WDFY3: variants seen among roughly 807,000 people sequenced by gnomAD.
WDFY3 encodes WD repeat and FYVE domain-containing protein 3.
WDFY3 carries 66 observed loss-of-function variants against 409.6 expected under a neutral mutation model. The observed-to-expected ratio is 0.16, with a 90% CI of 0.13 to 0.20. WDFY3 has a LOEUF of 0.20. WDFY3 is among the 10% of genes least tolerant of loss of function. The pLI is 1.00. For synonymous variants in WDFY3, 1,521 were observed against 1,537.1 expected (o/e 0.99, Z 0.25); for missense variants, 3,031 against 4,298.1 (o/e 0.71, Z 8.24).
intron 3 of WDFY3, among the ~76,000 whole-genome samples, chr4:84,862,999 T>C (rs1252937623): frequency 1.3e-5 from 2 of 152,260 alleles, no homozygotes; most frequent in Non-Finnish European, 2.9e-5. Flanking sequence ...TTTAGTATAA[T>C]GTTCTCAAGG....
At chr4:84,902,543 A>C (rs1766478151) in intron 2 of WDFY3, among the ~76,000 whole-genome samples, 1 of 152,192 alleles carries the variant, frequency 6.6e-6, no homozygotes, top group African/African-American at 2.4e-5. Flanking sequence ...AGTGACCACT[A>C]ATCTTCTGTA....
intron 26 of WDFY3, among the ~76,000 whole-genome samples, chr4:84,779,358 G>C (rs957205184): frequency 1.3e-5 from 2 of 151,626 alleles, no homozygotes; most frequent in African/African-American, 4.8e-5. Flanking sequence ...CTTGCTTCAA[G>C]TATTTGTTCC....
At chr4:84,770,914 C>G (rs949527269) in intron 30 of WDFY3, among the ~76,000 whole-genome samples, 3 of 152,150 alleles carry the variant, frequency 2.0e-5, no homozygotes, top group African/African-American at 7.2e-5. Context: ...ATGTCATACA[C>G]TAACAAGACT....
chr4:84,798,429 A>G (rs542311237), intron 17 of WDFY3, among the ~76,000 whole-genome samples: 2 of 152,216 alleles, frequency 1.3e-5, no homozygotes, highest in African/African-American at 4.8e-5. Context: ...GTATAGTAAA[A>G]CATACACAGT....
chr4:84,831,631 AG>A, intron 7 of WDFY3, 26 bp from the exon 8 acceptor site: 1 of 1,573,702 alleles, frequency 6.4e-7, no homozygotes, highest in Non-Finnish European at 8.7e-7. Context: ...AAACAAAACA[AG>A]AGTGTATAAG....
At chr4:84,902,979 G>C (rs1014986284) in intron 2 of WDFY3, among the ~76,000 whole-genome samples, 2 of 152,122 alleles carry the variant, frequency 1.3e-5, no homozygotes, top group Admixed American at 6.6e-5. Flanking sequence ...GTATTATTAG[G>C]ATTTAAGAAT....
chr4:84,851,099 T>C (rs1265252031), intron 4 of WDFY3, among the ~76,000 whole-genome samples: 1 of 151,402 alleles, frequency 6.6e-6, no homozygotes, highest in Non-Finnish European at 1.5e-5. Context: ...AAATAAATAA[T>C]TTTTAAAAAT....
chr4:84,963,429 G>GAA (rs1167259617), intron 1 of WDFY3, among the ~76,000 whole-genome samples: 1 of 59,878 alleles, frequency 1.7e-5, no homozygotes, highest in Non-Finnish European at 3.6e-5. Flanking sequence ...CATCTCAAAA[G>GAA]AAAAAAAAAA....
At chr4:84,854,492 A>C (rs1296916460) in intron 4 of WDFY3, among the ~76,000 whole-genome samples, 1 of 152,238 alleles carries the variant, frequency 6.6e-6, no homozygotes, top group Non-Finnish European at 1.5e-5. Flanking sequence ...GTATTTCTTG[A>C]AACTATACAA....
chr4:84,933,785 T>C (rs1010568117), intron 1 of WDFY3, among the ~76,000 whole-genome samples: 1 of 152,154 alleles, frequency 6.6e-6, no homozygotes, highest in African/African-American at 2.4e-5. Context: ...AAGTTTGTCT[T>C]TCTGCACCTG....
chr4:84,789,497 G>T (rs545293743), intron 22 of WDFY3, among the ~76,000 whole-genome samples: 1 of 152,220 alleles, frequency 6.6e-6, no homozygotes, highest in South Asian at 2.1e-4. Flanking sequence ...AACTTCTTTA[G>T]TACCTATAAG....
At chr4:84,752,109 G>C (rs1262991455) in intron 35 of WDFY3, among the ~76,000 whole-genome samples, 1 of 151,864 alleles carries the variant, frequency 6.6e-6, no homozygotes, top group Non-Finnish European at 1.5e-5. Context: ...GCATGTAAGG[G>C]GTGATCCATT....
chr4:84,841,136 T>C lies in WDFY3; in HGVS notation c.414+18A>G, dbSNP rs747623239. The C allele has an allele frequency of 1.3e-6, 2 of 1,576,586 alleles. No homozygotes were observed. Among genetic ancestry groups the C allele is most frequent in the Non-Finnish European group, 1.7e-6 (2 of 1,166,696 alleles). ...AATAAAGACGCTGAGTTATCAAACA[T>C]GAAAACTAAGAACTTACCTGACCAG... On this transcript the variant is annotated intron_variant, in intron 6 of 67. Transcript: ENST00000295888.
chr4:84,681,141 T>G (rs1727278638), intron 64 of WDFY3, among the ~76,000 whole-genome samples: 1 of 152,088 alleles, frequency 6.6e-6, no homozygotes, highest in Non-Finnish European at 1.5e-5. Flanking sequence ...CCCACAAATC[T>G]CACCACTTCT....
chr4:84,906,619 T>C (rs1767074018), intron 2 of WDFY3, among the ~76,000 whole-genome samples: 1 of 152,204 alleles, frequency 6.6e-6, no homozygotes, highest in African/African-American at 2.4e-5. Flanking sequence ...TATAAAATGA[T>C]ACAGTAATTA....
At chr4:84,717,566 C>A (rs1734146048) in intron 48 of WDFY3, among the ~76,000 whole-genome samples, 1 of 152,120 alleles carries the variant, frequency 6.6e-6, no homozygotes, top group South Asian at 2.1e-4. Flanking sequence ...AGAGAAGCAG[C>A]CTGTTGATCT....
intron 66 of WDFY3, 55 bp from the exon 67 acceptor site, chr4:84,677,451 T>C (rs772660917): frequency 3.1e-4 from 454 of 1,471,278 alleles, no homozygotes; most frequent in Non-Finnish European, 3.8e-4. Context: ...GTGATCTCCT[T>C]CTTGAGGCTC....
chr4:84,729,281 AG>A (rs1474517965), intron 44 of WDFY3, among the ~76,000 whole-genome samples: 1 of 152,012 alleles, frequency 6.6e-6, no homozygotes, highest in African/African-American at 2.4e-5. Flanking sequence ...TAGGATTCAG[AG>A]GAACAACCAG....
At chr4:84,759,392 G>C (rs1035725490) in intron 32 of WDFY3, among the ~76,000 whole-genome samples, 4 of 152,124 alleles carry the variant, frequency 2.6e-5, no homozygotes, top group African/African-American at 9.7e-5. Context: ...AATTACCTTG[G>C]GCAGTATGAC....
Sources: gnomAD v4.1 joint callset for allele counts (sites outside exome capture counted in the v4.1 genomes callset) on GRCh38, gnomAD v4.1.1 for gene constraint, MANE v1.5 for transcripts, NCBI Gene and HGNC (gene_info 2026-07-23, HGNC 2026-07-21) for gene names.